CDK14: variants seen among roughly 807,000 people sequenced by gnomAD.
CDK14 encodes the protein cyclin-dependent kinase 14.
Under a neutral mutation model 60.7 loss-of-function variants are expected in CDK14, and 34 were observed. That is an observed-to-expected ratio of 0.56 (90% CI 0.43 to 0.75). CDK14 has a LOEUF of 0.75. Among genes scored for constraint, CDK14 ranks in the 30% least tolerant of loss-of-function variants. CDK14 has a pLI of 0.00. For missense variants in CDK14, 482 were observed against 564.1 expected (o/e 0.85, Z 1.47); for synonymous variants, 197 against 203.7 (o/e 0.97, Z 0.28).
At chr7:90,616,156 G>T (rs1799645677) in intron 2 of CDK14, among the ~76,000 whole-genome samples, 1 of 151,946 alleles carries the variant, frequency 6.6e-6, no homozygotes, top group Admixed American at 6.6e-5. Context: ...TCATAATCCA[G>T]AAATTTTAGC....
intron 14 of CDK14, among the ~76,000 whole-genome samples, chr7:91,138,303 G>A (rs1040575840): frequency 6.6e-6 from 1 of 152,122 alleles, no homozygotes; most frequent in African/African-American, 2.4e-5. Context: ...GTGATTTCGT[G>A]TGGAAGTACA....
chr7:91,003,998 T>C (rs1388393556), intron 10 of CDK14, among the ~76,000 whole-genome samples: 1 of 152,132 alleles, frequency 6.6e-6, no homozygotes, highest in African/African-American at 2.4e-5. Flanking sequence ...ATATGTGGAA[T>C]AGAGCTAAAG....
chr7:90,961,382 C>A lies in CDK14; in HGVS notation c.947+5565C>A, dbSNP rs1030400356. On this transcript the variant is annotated intron_variant, in intron 9 of 14. Transcript: ENST00000380050. ...TTTTAAAAAAAATAAACCAAGGAATCCCTGGATTGAATACATTTTCACAGG... is the reference window on the plus strand; with the variant it reads ...TTTTAAAAAAAATAAACCAAGGAATACCTGGATTGAATACATTTTCACAGG... 1.9e-4 allele frequency among the ~76,000 whole-genome samples: 29 copies of A among 151,998 alleles called. 1 individual carries two copies. The highest frequency in any genetic ancestry group is 6.5e-4 in the African/African-American group (27 of 41,392).
intron 3 of CDK14, among the ~76,000 whole-genome samples, chr7:90,728,914 T>G (rs1802742178): frequency 6.6e-6 from 1 of 152,132 alleles, no homozygotes; most frequent in Admixed American, 6.6e-5. Context: ...TACTGGGTGT[T>G]TCTCACAAAA....
chr7:91,047,049 A>G (rs1797258145), intron 11 of CDK14, among the ~76,000 whole-genome samples: 1 of 152,174 alleles, frequency 6.6e-6, no homozygotes, highest in African/African-American at 2.4e-5. Context: ...CTATGTTCTG[A>G]AAGACTATAG....
chr7:90,601,538 G>A (rs912390221), intron 1 of CDK14, among the ~76,000 whole-genome samples: 4 of 152,186 alleles, frequency 2.6e-5, no homozygotes, highest in African/African-American at 4.8e-5. Context: ...TGTTCATTAT[G>A]TCATAGCAAA....
intron 3 of CDK14, among the ~76,000 whole-genome samples, chr7:90,743,180 G>A (rs1298109535): frequency 6.6e-6 from 1 of 152,044 alleles, no homozygotes; most frequent in Non-Finnish European, 1.5e-5. Flanking sequence ...AACCTATATA[G>A]CGTGGTGGTA....
intron 11 of CDK14, among the ~76,000 whole-genome samples, chr7:91,067,497 CTCTG>C (rs926926941): frequency 1.3e-5 from 2 of 152,280 alleles, no homozygotes; most frequent in African/African-American, 2.4e-5. Context: ...CTAGTGGGGA[CTCTG>C]TCTGTATCCA....
intron 5 of CDK14, among the ~76,000 whole-genome samples, chr7:90,813,732 A>G (rs1016117870): frequency 6.6e-6 from 1 of 151,958 alleles, no homozygotes; most frequent in Non-Finnish European, 1.5e-5. Flanking sequence ...CTGGGCAACA[A>G]AGCGAGACTC....
At chr7:90,655,196 T>A (rs769110793) in intron 2 of CDK14, among the ~76,000 whole-genome samples, 1 of 152,252 alleles carries the variant, frequency 6.6e-6, no homozygotes, top group African/African-American at 2.4e-5. Flanking sequence ...GGTATTCCAT[T>A]GTATGGATGT....
chr7:90,619,663 A>G (rs1378052997), intron 2 of CDK14, among the ~76,000 whole-genome samples: 4 of 152,128 alleles, frequency 2.6e-5, no homozygotes, highest in African/African-American at 7.2e-5. Flanking sequence ...ATGTTTAATT[A>G]TTTGAAGGCT....
At chr7:91,142,306 T>C (rs1198610250) in intron 14 of CDK14, among the ~76,000 whole-genome samples, 10 of 152,208 alleles carry the variant, frequency 6.6e-5, no homozygotes, top group African/African-American at 2.4e-4. Flanking sequence ...CTGCCTTCTT[T>C]AGCAAAGGCT....
chr7:90,929,676 AAG>A (rs1229587764), intron 8 of CDK14, among the ~76,000 whole-genome samples: 1 of 152,228 alleles, frequency 6.6e-6, no homozygotes, highest in Non-Finnish European at 1.5e-5. Context: ...TAATTCCTTT[AAG>A]AGACAGAACA....
chr7:91,050,121 A>C (rs1340178905), intron 11 of CDK14, among the ~76,000 whole-genome samples: 1 of 152,226 alleles, frequency 6.6e-6, no homozygotes, highest in Non-Finnish European at 1.5e-5. Flanking sequence ...TAATGAAGTC[A>C]TAGACGACGT....
chr7:91,166,492 T>C (rs914707146), intron 14 of CDK14, among the ~76,000 whole-genome samples: 2 of 152,234 alleles, frequency 1.3e-5, no homozygotes, highest in Admixed American at 6.5e-5. Flanking sequence ...GATACATTAA[T>C]CTATGAAATG....
intron 4 of CDK14, among the ~76,000 whole-genome samples, chr7:90,757,252 C>CTG (rs3038184): frequency 1.6e-5 from 2 of 125,430 alleles, no homozygotes; most frequent in Non-Finnish European, 3.3e-5. Context: ...GTGTGTGTGT[C>CTG]TGTGTGTGTC....
intron 2 of CDK14, among the ~76,000 whole-genome samples, chr7:90,630,010 G>T (rs1297397759): frequency 2.6e-5 from 4 of 152,140 alleles, no homozygotes; most frequent in African/African-American, 9.6e-5. Flanking sequence ...CTGCACTCCA[G>T]CCTGGGCAAC....
chr7:90,628,246 C>G (rs903193061), intron 2 of CDK14, among the ~76,000 whole-genome samples: 1 of 152,136 alleles, frequency 6.6e-6, no homozygotes, highest in Non-Finnish European at 1.5e-5. Flanking sequence ...CGTGAGCCAC[C>G]GTGCCTGGCC....
intron 10 of CDK14, among the ~76,000 whole-genome samples, chr7:91,030,526 C>G (rs1021647418): frequency 1.3e-5 from 2 of 152,094 alleles, no homozygotes; most frequent in African/African-American, 4.8e-5. Context: ...TATTCTCCAC[C>G]TCTTCCAAGA....
Sources: gnomAD v4.1 joint callset for allele counts (sites outside exome capture counted in the v4.1 genomes callset) on GRCh38, gnomAD v4.1.1 for gene constraint, MANE v1.5 for transcripts, NCBI Gene and HGNC (gene_info 2026-07-23, HGNC 2026-07-21) for gene names.